ERGIC1: variants seen among roughly 807,000 people sequenced by gnomAD.
The protein encoded by ERGIC1 is endoplasmic reticulum-Golgi intermediate compartment protein 1.
ERGIC1 carries 19 observed loss-of-function variants against 38.3 expected under a neutral mutation model. The observed-to-expected ratio is 0.50, with a 90% CI of 0.35 to 0.73. The LOEUF (loss-of-function observed/expected upper bound fraction) is 0.73, where lower values mean the gene tolerates loss of function less well. Among genes scored for constraint, ERGIC1 ranks in the 30% least tolerant of loss-of-function variants. The pLI, the probability that ERGIC1 is intolerant of heterozygous loss-of-function variation, is 0.01. For missense variants in ERGIC1, 294 were observed against 389.2 expected, an observed-to-expected ratio of 0.76 and a Z score of 2.06; for synonymous variants, 124 against 157.6, an observed-to-expected ratio of 0.79 and a Z score of 1.60.
In ERGIC1 at chr5:172,943,892, ATAT is replaced by A. The variant is rs571536716; in HGVS notation, c.766-6813_766-6811del. ...AGTGCGGCTGGAACACATCCTTCTC[ATAT>A]TATAAGGAATTAAGAACCATAATGA... On this transcript the variant is annotated intron_variant, in intron 9 of 9. Transcript: ENST00000393784. Among the ~76,000 whole-genome samples, 253 of 152,288 alleles carry A rather than the reference ATAT, an allele frequency of 1.7e-3. 4 individuals carry two copies. The highest frequency in any genetic ancestry group is 5.7e-3 in the African/African-American group (235 of 41,544).
At chr5:172,877,458 ATTTTTTTT>A (rs56384349) in intron 1 of ERGIC1, among the ~76,000 whole-genome samples, 2 of 86,638 alleles carry the variant, frequency 2.3e-5, no homozygotes, top group Non-Finnish European at 4.6e-5. Context: ...ATATATATAT[ATTTTTTTT>A]TTTTTTTTTT....
Position 172,857,844 on chromosome 5 carries a change from T to C in ERGIC1, c.20+23411T>C, listed in dbSNP as rs185544199. Among the ~76,000 whole-genome samples the C allele has an allele frequency of 3.9e-5, 6 of 152,248 alleles. No individual in the cohort carries two copies. In the South Asian group the frequency reaches 8.3e-4, roughly 21 times the overall value. On this transcript the variant is annotated intron_variant, in intron 1 of 9. Transcript: ENST00000393784. The stretch of plus-strand genomic sequence containing the variant: ...TCTGCTCTCTGCTTTGCCTTCCTTT[T>C]CACTTTTCATCTCCCCAGGCTGTTC...
intron 1 of ERGIC1, among the ~76,000 whole-genome samples, chr5:172,862,579 G>A (rs1761742769): frequency 6.6e-6 from 1 of 152,140 alleles, no homozygotes; most frequent in South Asian, 2.1e-4. Context: ...CTTCCTGAAG[G>A]GAGCCTGGTT....
Position 172,846,869 on chromosome 5 carries a change from AG to A in ERGIC1, c.20+12438del, listed in dbSNP as rs914321795. The stretch of plus-strand genomic sequence containing the variant: ...CTTAGAACTGTGCCTGGCATCTGTT[AG>A]GTGCTTGATATCTATTCGTTACAGA... On this transcript the variant is annotated intron_variant, in intron 1 of 9. Coordinates refer to ENST00000393784, the MANE Select transcript of ERGIC1 (RefSeq NM_001031711.3). This position sits in a 1 kb window ranked among gnomAD's most constrained non-coding sequence, Gnocchi z 4.0. Among the ~76,000 whole-genome samples the A allele has an allele frequency of 6.6e-6, 1 of 152,194 alleles. No homozygotes were observed. Among genetic ancestry groups the A allele is most frequent in the Non-Finnish European group, 1.5e-5 (1 of 68,040 alleles).
intron 9 of ERGIC1, among the ~76,000 whole-genome samples, chr5:172,940,153 C>A (rs957929143): frequency 6.6e-6 from 1 of 152,086 alleles, no homozygotes; most frequent in Non-Finnish European, 1.5e-5. Context: ...TGGGGCCTCC[C>A]AGATGCATTG....
At chr5:172,844,050 G>T (rs1042574673) in intron 1 of ERGIC1, among the ~76,000 whole-genome samples, 1 of 152,190 alleles carries the variant, frequency 6.6e-6, no homozygotes, top group Non-Finnish European at 1.5e-5. Context: ...GTAGGTGGAC[G>T]TGGTAAAACC....
chr5:172,868,911 G>A (rs186468640), intron 1 of ERGIC1, among the ~76,000 whole-genome samples: 3 of 152,350 alleles, frequency 2.0e-5, no homozygotes, highest in African/African-American at 7.2e-5. Flanking sequence ...ACAGGTTCAC[G>A]ATGCACTTGG....
At chr5:172,943,134 T>A (rs913050546) in intron 9 of ERGIC1, among the ~76,000 whole-genome samples, 2 of 152,018 alleles carry the variant, frequency 1.3e-5, no homozygotes, top group African/African-American at 4.8e-5. Context: ...GAAATGAGGG[T>A]CACCTAGCAG....
chr5:172,840,062 T>C (rs1761123446), intron 1 of ERGIC1, among the ~76,000 whole-genome samples: 2 of 152,216 alleles, frequency 1.3e-5, no homozygotes, highest in Non-Finnish European at 2.9e-5. Context: ...TTTTTCCCCC[T>C]AGCCTCATGT....
In ERGIC1 at chr5:172,926,537, C is replaced by T. The variant is rs368347767; in HGVS notation, c.509C>T (p.Ala170Val). ...QVQNIHGAFN[A>V]LGGADRLTSN... ...CAGAACATCCACGGAGCTTTCAATGCTCTCGGGGGAGCAGACAGACTCACC... is the reference window on the plus strand; with the variant it reads ...CAGAACATCCACGGAGCTTTCAATGTTCTCGGGGGAGCAGACAGACTCACC... The change falls in exon 7 of 10, where the codon GCT becomes GTT. Residue 170 changes from alanine to valine, a missense_variant. By Grantham distance (64) the Ala-to-Val change is moderately conservative. Transcript: ENST00000393784. The surrounding 1 kb of genome is among the most constrained non-coding windows in gnomAD (Gnocchi z 5.2). 2 of 1,613,532 alleles carry T rather than the reference C, an allele frequency of 1.2e-6. No individual in the cohort carries two copies. Among genetic ancestry groups the T allele is most frequent in the Non-Finnish European group, 1.7e-6 (2 of 1,180,028 alleles).
At chr5:172,839,836 C>A (rs747390575) in intron 1 of ERGIC1, among the ~76,000 whole-genome samples, 1 of 152,128 alleles carries the variant, frequency 6.6e-6, no homozygotes, top group East Asian at 1.9e-4. Flanking sequence ...CCACAGAGTT[C>A]GGAAACACGG....
rs994987252 is a variant in ERGIC1, at chr5:172,952,356, G to A, written c.*1540G>A. 5.3e-5 allele frequency: 8 copies of A among 151,402 alleles called. No individual in the cohort carries two copies. Among genetic ancestry groups the A allele is most frequent in the African/African-American group, 1.7e-4 (7 of 41,104 alleles). 9.4% of individuals were successfully genotyped at this position (151,402 alleles called of 1,614,324 possible). Reference sequence around the variant, plus strand: ...AATGCATTTGGTTATTTCTGGTATCGGTGGCCACTTGGATGGATTTTTTTA... The same window carrying A: ...AATGCATTTGGTTATTTCTGGTATCAGTGGCCACTTGGATGGATTTTTTTA... On this transcript the variant is annotated 3_prime_UTR_variant, in exon 10 of 10. Coordinates refer to ENST00000393784, the MANE Select transcript of ERGIC1 (RefSeq NM_001031711.3).
intron 1 of ERGIC1, among the ~76,000 whole-genome samples, chr5:172,839,854 C>T (rs1012051193): frequency 6.6e-5 from 10 of 152,286 alleles, no homozygotes; most frequent in Middle Eastern, 3.4e-3. Flanking sequence ...CGGTCGTTCC[C>T]GTTCCTGGAG....
chr5:172,836,503 C>T (rs1350335830), intron 1 of ERGIC1, among the ~76,000 whole-genome samples: 4 of 152,146 alleles, frequency 2.6e-5, no homozygotes, highest in Non-Finnish European at 4.4e-5. Context: ...CACGTTTGCA[C>T]CTTGGAGGAT....
Position 172,914,695 on chromosome 5 carries a change from C to G in ERGIC1, c.251-19C>G. On this transcript the variant is annotated intron_variant, in intron 4 of 9. Coordinates refer to ENST00000393784, the MANE Select transcript of ERGIC1 (RefSeq NM_001031711.3). ...GCGTCTCTGGGTTTGTGACTGTTGT[C>G]TCCCTTTGGCTCCTGCAGTGGTTGG... 2 of 1,613,986 alleles carry G rather than the reference C, an allele frequency of 1.2e-6. No homozygotes were observed. Among genetic ancestry groups the G allele is most frequent in the Middle Eastern group, 1.6e-4 (1 of 6,062 alleles).
chr5:172,909,733 C>T lies in ERGIC1; in HGVS notation c.222C>T (p.Asn74=). The part of the protein sequence containing the change: ...DSGGKIDVSL[N]ISLPNLHCEL... Reference sequence around the variant, plus strand: ...GTGGCAAGATCGACGTCAGTCTGAACATCAGTTTACCCAATCTGCACTGCG... The same window carrying T: ...GTGGCAAGATCGACGTCAGTCTGAATATCAGTTTACCCAATCTGCACTGCG... The change falls in exon 4 of 10, where the codon AAC becomes AAT. Residue 74 remains asparagine (N), a synonymous_variant. Transcript: ENST00000393784. 3 of 1,614,202 alleles carry T rather than the reference C, an allele frequency of 1.9e-6. No homozygotes were observed. Among genetic ancestry groups the T allele is most frequent in the Non-Finnish European group, 2.5e-6 (3 of 1,180,028 alleles).
intron 3 of ERGIC1, among the ~76,000 whole-genome samples, chr5:172,900,678 C>T (rs1762847762): frequency 6.6e-6 from 1 of 151,528 alleles, no homozygotes; most frequent in Non-Finnish European, 1.5e-5. Context: ...CCACGGCACT[C>T]CAGCCTGGGA....
chr5:172,885,737 ACCCACATGCCCTC>A (rs1230856836), intron 1 of ERGIC1, among the ~76,000 whole-genome samples: 1 of 141,960 alleles, frequency 7.0e-6, no homozygotes, highest in Non-Finnish European at 1.6e-5. Context: ...TCTTAGGAGA[ACCCACATGCCCTC>A]CCCACTGGCC....
At chr5:172,873,101 C>T (rs1025924124) in intron 1 of ERGIC1, among the ~76,000 whole-genome samples, 3 of 152,262 alleles carry the variant, frequency 2.0e-5, no homozygotes, top group Admixed American at 6.5e-5. Context: ...TGCCGCTCAG[C>T]GTTTAAATGC....
Sources: allele counts gnomAD v4.1 joint callset (sites outside exome capture counted in the v4.1 genomes callset), GRCh38; gene constraint gnomAD v4.1.1; non-coding constraint Gnocchi (gnomAD v3.1); transcripts MANE v1.5; gene names NCBI Gene and HGNC (gene_info 2026-07-23, HGNC 2026-07-21).